Variants in TMCC1 observed in about 807,000 individuals in gnomAD.
The protein encoded by TMCC1 is transmembrane and coiled-coil domain family 1, also known as transmembrane and coiled-coil domains protein 1.
In TMCC1, 15 loss-of-function variants were observed where a neutral mutation model predicts 52.4. That is an observed-to-expected ratio of 0.29 (90% CI 0.19 to 0.44). The LOEUF is 0.44. Ranked by LOEUF, TMCC1 falls within the 20% of genes least tolerant of loss-of-function variation. The pLI, the probability that TMCC1 is intolerant of heterozygous loss-of-function variation, is 1.00. For missense variants in TMCC1, 503 were observed against 806.0 expected (o/e 0.62, Z 4.55); for synonymous variants, 279 against 301.9 (o/e 0.92, Z 0.79).
chr3:129,852,769 G>C (rs2059974273), intron 2 of TMCC1, among the ~76,000 whole-genome samples: 1 of 152,100 alleles, frequency 6.6e-6, no homozygotes, highest in South Asian at 2.1e-4. Flanking sequence ...CTAGCATAAA[G>C]AACAATACAG....
At chr3:129,827,424 C>T (rs1429901573) in intron 4 of TMCC1, among the ~76,000 whole-genome samples, 1 of 152,152 alleles carries the variant, frequency 6.6e-6, no homozygotes, top group Non-Finnish European at 1.5e-5. Flanking sequence ...GATTCTAGAA[C>T]TTTATTCACT....
At chr3:129,845,072 C>T (rs1430616141) in intron 2 of TMCC1, among the ~76,000 whole-genome samples, 1 of 151,854 alleles carries the variant, frequency 6.6e-6, no homozygotes, top group Non-Finnish European at 1.5e-5. Flanking sequence ...CCCTGTAGTC[C>T]CAGCTACTCA....
intron 4 of TMCC1, among the ~76,000 whole-genome samples, chr3:129,808,188 T>C (rs2057575656): frequency 6.6e-6 from 1 of 151,766 alleles, no homozygotes; most frequent in Non-Finnish European, 1.5e-5. Flanking sequence ...TCTAAAAATA[T>C]ATATATAAAT....
intron 4 of TMCC1, among the ~76,000 whole-genome samples, chr3:129,790,681 AACTCACT>A (rs2056392099): frequency 3.3e-5 from 5 of 152,332 alleles, no homozygotes; most frequent in Admixed American, 6.5e-5. Context: ...AAGAATGTCT[AACTCACT>A]GTATTTCATC....
chr3:129,681,042 T>TA (rs1176767245), intron 4 of TMCC1, among the ~76,000 whole-genome samples: 4 of 152,158 alleles, frequency 2.6e-5, no homozygotes, highest in African/African-American at 4.8e-5. Flanking sequence ...ATGGTAGTGA[T>TA]ACGGCACTGT....
rs934254295 is a variant in TMCC1, at chr3:129,687,557, A to C, written c.577-16293T>G. Among the ~76,000 whole-genome samples, 4 of 152,368 alleles carry C rather than the reference A, an allele frequency of 2.6e-5. No homozygotes were observed. The South Asian group carries it at 6.2e-4, about 24-fold the overall frequency. On this transcript the variant is annotated intron_variant, in intron 4 of 6. Coordinates refer to ENST00000393238, the MANE Select transcript of TMCC1 (RefSeq NM_001017395.5). ...CTCTAATAACGGCTAATATGTATAA[A>C]CAGTAACAGAAAAAGGCTTCATATC... is the stretch of plus-strand genomic sequence containing the variant.
chr3:129,651,281 G>T lies in TMCC1; in HGVS notation c.*200C>A. 1 of 597,560 alleles carries T rather than the reference G, an allele frequency of 1.7e-6. No individual in the cohort carries two copies. The highest frequency in any genetic ancestry group is 2.8e-6 in the Non-Finnish European group (1 of 356,406). 37.0% of individuals were successfully genotyped at this position (597,560 alleles called of 1,614,324 possible). ...TACATAAAAATGATCCAAGATTTTCGCCCAAAAAACTTCTTGGATAAAATC... is the reference window on the plus strand; with the variant it reads ...TACATAAAAATGATCCAAGATTTTCTCCCAAAAAACTTCTTGGATAAAATC... On this transcript the variant is annotated 3_prime_UTR_variant, in exon 7 of 7. Transcript: ENST00000393238. The surrounding 1 kb of genome is among the most constrained non-coding windows in gnomAD (Gnocchi z 5.1).
intron 1 of TMCC1, among the ~76,000 whole-genome samples, chr3:129,891,428 G>A (rs2108022127): frequency 6.6e-6 from 1 of 152,248 alleles, no homozygotes; most frequent in South Asian, 2.1e-4. Context: ...AAATTTCAGT[G>A]TCCCAAGTTT....
intron 4 of TMCC1, among the ~76,000 whole-genome samples, chr3:129,794,010 T>C (rs1189127233): frequency 6.6e-6 from 1 of 152,206 alleles, no homozygotes; most frequent in African/African-American, 2.4e-5. Flanking sequence ...GCTTATTAAA[T>C]ATACACTTTC....
At chr3:129,811,291 A>G (rs940668459) in intron 4 of TMCC1, among the ~76,000 whole-genome samples, 21 of 151,926 alleles carry the variant, frequency 1.4e-4, no homozygotes, top group African/African-American at 5.1e-4. Context: ...TAGAGATAGG[A>G]TATCACTCTG....
At chr3:129,883,075 G>T (rs148446332) in intron 1 of TMCC1, among the ~76,000 whole-genome samples, 2,364 of 145,280 alleles carry the variant, frequency 0.016, 47 homozygotes, top group African/African-American at 0.058. Context: ...GATCACCTGA[G>T]GTCAGGAGTT....
chr3:129,865,290 G>T (rs1371826445), intron 2 of TMCC1, among the ~76,000 whole-genome samples: 3 of 151,816 alleles, frequency 2.0e-5, no homozygotes, highest in African/African-American at 7.3e-5. Context: ...GCTCCCACTG[G>T]AAGTACAGGT....
intron 4 of TMCC1, among the ~76,000 whole-genome samples, chr3:129,700,991 T>C (rs2047783866): frequency 6.6e-6 from 1 of 152,160 alleles, no homozygotes; most frequent in Non-Finnish European, 1.5e-5. Context: ...TGACTTTACT[T>C]TCTGGATAAA....
At chr3:129,727,123 C>G (rs529170242) in intron 4 of TMCC1, among the ~76,000 whole-genome samples, 21 of 151,916 alleles carry the variant, frequency 1.4e-4, no homozygotes, top group South Asian at 8.3e-4. Context: ...TGTATGAAAA[C>G]AATGGAACAA....
At chr3:129,691,528 C>T (rs796411666) in intron 4 of TMCC1, among the ~76,000 whole-genome samples, 5 of 152,206 alleles carry the variant, frequency 3.3e-5, no homozygotes, top group African/African-American at 1.2e-4. Context: ...TGCCTGTAAT[C>T]CCAACATTTT....
chr3:129,718,463 A>G (rs1262789713), intron 4 of TMCC1, among the ~76,000 whole-genome samples: 9 of 152,222 alleles, frequency 5.9e-5, no homozygotes, highest in Admixed American at 5.9e-4. Flanking sequence ...AGACTTCTCT[A>G]TTATTTTTCA....
rs372683000 is a variant in TMCC1 at position 129,862,262 on chromosome 3, G to T, written c.-184+18047C>A. Among the ~76,000 whole-genome samples, 33 of 152,242 alleles carry T rather than the reference G, an allele frequency of 2.2e-4. No homozygotes were observed. The East Asian group carries it at 3.5e-3, about 16-fold the overall frequency. ...AATGGGTACAGAGTTTCTTTTGGGG[G>T]TGATGAAAATGTTTTGGAATTAGGT... is the stretch of plus-strand genomic sequence containing the variant. On this transcript the variant is annotated intron_variant, in intron 2 of 6. Coordinates refer to ENST00000393238, the MANE Select transcript of TMCC1 (RefSeq NM_001017395.5).
intron 4 of TMCC1, among the ~76,000 whole-genome samples, chr3:129,764,454 T>A (rs1469422446): frequency 6.6e-6 from 1 of 152,132 alleles, no homozygotes; most frequent in African/African-American, 2.4e-5. Context: ...AGTGCTTCCC[T>A]TTGGTTTGGT....
intron 4 of TMCC1, among the ~76,000 whole-genome samples, chr3:129,765,294 TATG>T (rs2107689022): frequency 6.6e-6 from 1 of 152,246 alleles, no homozygotes; most frequent in East Asian, 1.9e-4. Flanking sequence ...AGGAAATGGC[TATG>T]ACCCTGTTAT....
Sources: gnomAD v4.1 joint callset for allele counts (sites outside exome capture counted in the v4.1 genomes callset) on GRCh38, gnomAD v4.1.1 for gene constraint, Gnocchi (gnomAD v3.1) non-coding constraint, MANE v1.5 for transcripts, NCBI Gene and HGNC (gene_info 2026-07-23, HGNC 2026-07-21) for gene names.